The following SUMO2 variants were observed in gnomAD, a reference collection of about 807,000 sequenced individuals.
SUMO2 encodes small ubiquitin-related modifier 2.
In SUMO2, 1 loss-of-function variant was observed where a neutral mutation model predicts 16.0. That is an observed-to-expected ratio of 0.06 (90% CI 0.02 to 0.30). The LOEUF (loss-of-function observed/expected upper bound fraction) is 0.30, where lower values mean the gene tolerates loss of function less well. SUMO2 is among the 10% of genes least tolerant of loss of function. The pLI, the probability that SUMO2 is intolerant of heterozygous loss-of-function variation, is 1.00. For synonymous variants in SUMO2, 36 were observed against 40.6 expected, an observed-to-expected ratio of 0.89 and a Z score of 0.43; for missense variants, 16 against 117.5, an observed-to-expected ratio of 0.14 and a Z score of 3.99.
At chr17:75,176,053 T>G (rs895242195) in intron 2 of SUMO2, among the ~76,000 whole-genome samples, 3 of 151,926 alleles carry the variant, frequency 2.0e-5, no homozygotes, top group Non-Finnish European at 4.4e-5. Flanking sequence ...TGAAATTTTT[T>G]TTTTTTAAAT....
chr17:75,178,869 C>T (rs886192640), intron 2 of SUMO2, among the ~76,000 whole-genome samples: 15 of 151,884 alleles, frequency 9.9e-5, no homozygotes, highest in East Asian at 1.9e-4. Flanking sequence ...GCAGAAGAAT[C>T]GCTTAAAACT....
chr17:75,181,836 C>T lies in SUMO2; in HGVS notation c.22-648G>A, dbSNP rs550131784. Among the ~76,000 whole-genome samples, 8 of 152,124 alleles carry T rather than the reference C, an allele frequency of 5.3e-5. No homozygotes were observed. In the East Asian group the frequency reaches 1.2e-3, roughly 22 times the overall value. ...AAGAGCACTTATTCTCCCCTCCCCC[C>T]CTTTGTTGTCATGGGTCAAATACAC... On this transcript the variant is annotated intron_variant, in intron 1 of 3. Coordinates refer to ENST00000420826, the MANE Select transcript of SUMO2 (RefSeq NM_006937.4).
chr17:75,176,860 G>A (rs2074786266), intron 2 of SUMO2, among the ~76,000 whole-genome samples: 1 of 151,838 alleles, frequency 6.6e-6, no homozygotes, highest in Non-Finnish European at 1.5e-5. Context: ...GGCATAAAAG[G>A]GATGAAAAAC....
At chr17:75,180,377 G>A (rs1450165014) in intron 2 of SUMO2, among the ~76,000 whole-genome samples, 10 of 109,336 alleles carry the variant, frequency 9.1e-5, no homozygotes, top group African/African-American at 3.6e-4. Flanking sequence ...AAGAAATAGA[G>A]TGAGACTCCC....
At chr17:75,170,594 C>A (rs2074729451) in intron 3 of SUMO2, among the ~76,000 whole-genome samples, 1 of 149,282 alleles carries the variant, frequency 6.7e-6, no homozygotes, top group South Asian at 2.1e-4. Flanking sequence ...AAACAAAAAA[C>A]ACCAAAACAA....
At chr17:75,172,142 C>T (rs867110475) in intron 3 of SUMO2, among the ~76,000 whole-genome samples, 3 of 151,734 alleles carry the variant, frequency 2.0e-5, no homozygotes, top group Admixed American at 6.6e-5. Context: ...CTCAATCTCC[C>T]GAGTAGCTGG....
At chr17:75,177,286 G>C (rs1249950747) in intron 2 of SUMO2, among the ~76,000 whole-genome samples, 1 of 152,014 alleles carries the variant, frequency 6.6e-6, no homozygotes, top group Non-Finnish European at 1.5e-5. Flanking sequence ...AGAATTGCTT[G>C]AACCCAGGAG....
rs79205959 is a variant in SUMO2 at position 75,176,132 on chromosome 17, G to A, written c.154-1309C>T. On this transcript the variant is annotated intron_variant, in intron 2 of 3. Transcript: ENST00000420826. The stretch of plus-strand genomic sequence containing the variant: ...TCAGTTCAACGCAACCTCCACCACC[G>A]GAGTTCAAGTGACTTTCCTGCCTCA... Among the ~76,000 whole-genome samples the A allele has an allele frequency of 6.6e-4, 100 of 150,926 alleles. No individual in the cohort carries two copies. The South Asian group carries it at 8.4e-3, about 13-fold the overall frequency.
chr17:75,172,324 A>T (rs1598222839), intron 3 of SUMO2, among the ~76,000 whole-genome samples: 2 of 80,346 alleles, frequency 2.5e-5, no homozygotes, highest in Non-Finnish European at 2.8e-5. Context: ...CTGTACCCAG[A>T]CTTTTTTTTT....
intron 1 of SUMO2, among the ~76,000 whole-genome samples, chr17:75,182,173 C>T (rs1400937601): frequency 1.3e-5 from 2 of 151,976 alleles, no homozygotes; most frequent in Non-Finnish European, 2.9e-5. Flanking sequence ...TCGTTGGCAC[C>T]CAGGGAAAAG....
At chr17:75,169,158 T>C (rs1393362988) in intron 3 of SUMO2, among the ~76,000 whole-genome samples, 2 of 150,484 alleles carry the variant, frequency 1.3e-5, no homozygotes, top group East Asian at 3.9e-4. Context: ...ATTGAGCCCA[T>C]AAGATCAAGG....
intron 1 of SUMO2, 80 bp from the exon 2 acceptor site, chr17:75,181,268 G>C: frequency 2.0e-6 from 3 of 1,465,426 alleles, no homozygotes; most frequent in Non-Finnish European, 2.8e-6. Flanking sequence ...AGCCCTAGTT[G>C]CTTCAAAAAT....
intron 3 of SUMO2, among the ~76,000 whole-genome samples, chr17:75,173,004 T>C (rs921672459): frequency 6.6e-6 from 1 of 152,168 alleles, no homozygotes; most frequent in Non-Finnish European, 1.5e-5. Flanking sequence ...GCTTTTCCAA[T>C]TTTCAAAGAT....
chr17:75,168,856 C>T (rs1281660474), intron 3 of SUMO2, among the ~76,000 whole-genome samples: 2 of 152,024 alleles, frequency 1.3e-5, no homozygotes, highest in Non-Finnish European at 2.9e-5. Context: ...CTGCCTGCCT[C>T]GGCCTCCCAA....
chr17:75,177,988 C>CCAAA (rs755871175), intron 2 of SUMO2, among the ~76,000 whole-genome samples: 1 of 66,418 alleles, frequency 1.5e-5, no homozygotes, highest in African/African-American at 6.8e-5. Context: ...GACTCCGTCT[C>CCAAA]AAAAAAAAAA....
intron 3 of SUMO2, among the ~76,000 whole-genome samples, chr17:75,173,050 T>C (rs942489404): frequency 1.3e-5 from 2 of 152,248 alleles, no homozygotes; most frequent in Non-Finnish European, 2.9e-5. Context: ...TGCTGCTTCA[T>C]GCCACATTTA....
intron 2 of SUMO2, among the ~76,000 whole-genome samples, chr17:75,179,981 TAAACTC>T (rs1451409761): frequency 6.6e-6 from 1 of 152,152 alleles, no homozygotes; most frequent in African/African-American, 2.4e-5. Context: ...CTTTCAAGTA[TAAACTC>T]AAACTCAATT....
At chr17:75,169,741 C>T (rs2074721112) in intron 3 of SUMO2, among the ~76,000 whole-genome samples, 1 of 149,494 alleles carries the variant, frequency 6.7e-6, no homozygotes, top group South Asian at 2.1e-4. Context: ...CCCAGCTATT[C>T]GGGAGGCTGA....
chr17:75,173,346 G>C (rs1598223524), intron 3 of SUMO2, among the ~76,000 whole-genome samples: 2 of 152,130 alleles, frequency 1.3e-5, no homozygotes, highest in Admixed American at 6.6e-5. Context: ...TTCCTGTAGA[G>C]ACCAGGTCTT....
Sources: allele counts gnomAD v4.1 joint callset (sites outside exome capture counted in the v4.1 genomes callset), GRCh38; gene constraint gnomAD v4.1.1; transcripts MANE v1.5; gene names NCBI Gene and HGNC (gene_info 2026-07-23, HGNC 2026-07-21).